NAALADL2: variants seen among roughly 807,000 people sequenced by gnomAD.
The protein encoded by NAALADL2 is N-acetylated alpha-linked acidic dipeptidase like 2.
NAALADL2 carries 76 observed loss-of-function variants against 87.2 expected under a neutral mutation model. The ratio of observed to expected loss-of-function variants is 0.87; its 90% confidence interval spans 0.72 to 1.05. The LOEUF (loss-of-function observed/expected upper bound fraction) is 1.05. Ranked by LOEUF, NAALADL2 falls within the 50% of genes least tolerant of loss-of-function variation. The pLI is 0.00. For synonymous variants in NAALADL2, 354 were observed against 331.0 expected (o/e 1.07, Z -0.75); for missense variants, 1,089 against 945.8 (o/e 1.15, Z -1.99).
chr3:174,475,352 A>C (rs917267182), intron 1 of NAALADL2, among the ~76,000 whole-genome samples: 1 of 151,992 alleles, frequency 6.6e-6, no homozygotes, highest in Non-Finnish European at 1.5e-5. Context: ...CTGATGTTGC[A>C]TCATACTTAG....
At chr3:175,061,728 AATAT>A (rs149495848) in intron 1 of NAALADL2, among the ~76,000 whole-genome samples, 110 of 141,514 alleles carry the variant, frequency 7.8e-4, no homozygotes, top group African/African-American at 1.3e-3. Context: ...CACTTGCACA[AATAT>A]ATATATATAT....
At chr3:175,456,383 A>G (rs2149249664) in intron 6 of NAALADL2, among the ~76,000 whole-genome samples, 1 of 152,164 alleles carries the variant, frequency 6.6e-6, no homozygotes, top group East Asian at 1.9e-4. Flanking sequence ...TTCACATGTC[A>G]TAATTAAAGC....
At position 175,800,388 on chromosome 3, in the gene NAALADL2, T is replaced by C. The variant is rs140297648; in HGVS notation, c.2190-2617T>C. Among the ~76,000 whole-genome samples, 250 of 124,794 alleles carry C rather than the reference T, an allele frequency of 2.0e-3. 2 individuals are homozygous for C. The highest frequency in any genetic ancestry group is 8.8e-3 in the African/African-American group (246 of 27,804). 81.9% of individuals were successfully genotyped at this position (124,794 alleles called of 152,430 possible). ...ACCTGAATTCAAGAATATTCAGAAT[T>C]TTGAGAGTATCTTTCTTGCACTGCT... On this transcript the variant is annotated intron_variant, in intron 13 of 13. Transcript: ENST00000454872.
At chr3:174,529,606 TGAACATCCAGGCATTTTC>T (rs780632823) in intron 1 of NAALADL2, among the ~76,000 whole-genome samples, 1 of 152,220 alleles carries the variant, frequency 6.6e-6, no homozygotes, top group Non-Finnish European at 1.5e-5. Flanking sequence ...AAACTCTGCC[TGAACATCCAGGCATTTTC>T]GAACATCCAG....
chr3:174,636,272 G>T (rs541929137), intron 2 of NAALADL2, among the ~76,000 whole-genome samples: 24 of 152,092 alleles, frequency 1.6e-4, no homozygotes, highest in African/African-American at 5.8e-4. Flanking sequence ...AAGGACATTG[G>T]TCTACTCAAA....
chr3:174,995,633 GTGCTTTTAAAGT>G (rs1747337121), intron 1 of NAALADL2, among the ~76,000 whole-genome samples: 1 of 152,060 alleles, frequency 6.6e-6, no homozygotes, highest in South Asian at 2.1e-4. Context: ...ATTGTTCATA[GTGCTTTTAAAGT>G]TGCTTTTAAA....
intron 4 of NAALADL2, among the ~76,000 whole-genome samples, chr3:175,259,831 C>A (rs1442592375): frequency 6.6e-6 from 1 of 152,074 alleles, no homozygotes; most frequent in Admixed American, 6.5e-5. Flanking sequence ...AGTTCAAGAC[C>A]AGCCTGGCCA....
At chr3:174,525,348 T>C (rs1720644078) in intron 1 of NAALADL2, among the ~76,000 whole-genome samples, 1 of 152,230 alleles carries the variant, frequency 6.6e-6, no homozygotes, top group Non-Finnish European at 1.5e-5. Flanking sequence ...GGAAGCATGA[T>C]GCTGAATCTA....
chr3:175,147,886 A>G (rs1214474391), intron 2 of NAALADL2, among the ~76,000 whole-genome samples: 2 of 151,906 alleles, frequency 1.3e-5, no homozygotes, highest in African/African-American at 4.8e-5. Context: ...CCTGACCAAC[A>G]TGGTGAAACC....
intron 3 of NAALADL2, among the ~76,000 whole-genome samples, chr3:174,844,665 T>G (rs1206983139): frequency 6.6e-6 from 1 of 151,912 alleles, no homozygotes; most frequent in Non-Finnish European, 1.5e-5. Context: ...TTTCTTCAAT[T>G]TATTTAATAA....
intron 9 of NAALADL2, among the ~76,000 whole-genome samples, chr3:175,560,901 TG>T (rs756192705): frequency 1.6e-4 from 24 of 152,188 alleles, no homozygotes; most frequent in Non-Finnish European, 3.4e-4. Context: ...ATTACAGGCG[TG>T]AACCATTGCG....
intron 1 of NAALADL2, among the ~76,000 whole-genome samples, chr3:175,063,518 C>T (rs1713959935): frequency 6.6e-6 from 1 of 151,760 alleles, no homozygotes; most frequent in African/African-American, 2.4e-5. Context: ...GTTCTGTCAC[C>T]CAGCCTGGAA....
intron 2 of NAALADL2, among the ~76,000 whole-genome samples, chr3:174,577,818 C>A (rs1305482186): frequency 6.6e-6 from 1 of 151,978 alleles, no homozygotes; most frequent in Non-Finnish European, 1.5e-5. Context: ...TCAGACGAAT[C>A]AGATCTTGAA....
At chr3:174,885,185 C>T (rs917228025) in intron 1 of NAALADL2, among the ~76,000 whole-genome samples, 3 of 152,098 alleles carry the variant, frequency 2.0e-5, no homozygotes, top group Non-Finnish European at 2.9e-5. Flanking sequence ...CAATCAATGC[C>T]CTCAGTAGAC....
chr3:174,847,316 C>T (rs1724736044), intron 3 of NAALADL2, among the ~76,000 whole-genome samples: 1 of 152,130 alleles, frequency 6.6e-6, no homozygotes, highest in Admixed American at 6.5e-5. Context: ...CCACAACCAA[C>T]CAACATAAGT....
At chr3:175,023,746 A>T (rs1052664842) in intron 1 of NAALADL2, among the ~76,000 whole-genome samples, 1 of 152,116 alleles carries the variant, frequency 6.6e-6, no homozygotes. Context: ...ACAAGAGACC[A>T]ATCTCCTATA....
chr3:174,560,573 C>A (rs1003823584), intron 2 of NAALADL2, among the ~76,000 whole-genome samples: 5 of 152,122 alleles, frequency 3.3e-5, no homozygotes, highest in African/African-American at 9.7e-5. Flanking sequence ...AACTTGCAAA[C>A]CTTTTTGAGA....
At chr3:175,341,217 A>T (rs927040045) in intron 5 of NAALADL2, among the ~76,000 whole-genome samples, 1 of 152,086 alleles carries the variant, frequency 6.6e-6, no homozygotes, top group African/African-American at 2.4e-5. Context: ...ATAAATTCCC[A>T]TACTCTGGAT....
intron 11 of NAALADL2, chr3:175,718,195 G>GTGTTT: frequency 1.9e-5 from 16 of 822,736 alleles, no homozygotes; most frequent in Admixed American, 3.6e-5. Flanking sequence ...AGGGCCTGTG[G>GTGTTT]TTTTTTTTTT....
Sources: allele counts gnomAD v4.1 joint callset (sites outside exome capture counted in the v4.1 genomes callset), GRCh38; gene constraint gnomAD v4.1.1; transcripts MANE v1.5; gene names NCBI Gene and HGNC (gene_info 2026-07-23, HGNC 2026-07-21).